PGM5: variants seen among roughly 807,000 people sequenced by gnomAD.
PGM5 encodes the protein phosphoglucomutase-like protein 5.
Under a neutral mutation model 59.2 loss-of-function variants are expected in PGM5, and 23 were observed. The ratio of observed to expected loss-of-function variants is 0.39; its 90% CI spans 0.28 to 0.55. PGM5 has a LOEUF of 0.55. PGM5 is among the 20% of genes least tolerant of loss of function. The pLI, the probability that PGM5 is intolerant of heterozygous loss-of-function variation, is 0.66. For synonymous variants in PGM5, 214 were observed against 286.0 expected (o/e 0.75, Z 2.54); for missense variants, 574 against 748.3 (o/e 0.77, Z 2.72).
At chr9:68,422,469 G>GT (rs1341575765) in intron 6 of PGM5, among the ~76,000 whole-genome samples, 3 of 149,468 alleles carry the variant, frequency 2.0e-5, no homozygotes, top group Admixed American at 1.3e-4. Flanking sequence ...TTTGTTTTTT[G>GT]TTTTTTTGAG....
At chr9:68,456,184 A>G (rs540194810) in intron 6 of PGM5, among the ~76,000 whole-genome samples, 95 of 152,294 alleles carry the variant, frequency 6.2e-4, no homozygotes, top group African/African-American at 2.2e-3. Flanking sequence ...ATTCTCAAAC[A>G]ACTCTGAGTG....
intron 1 of PGM5, among the ~76,000 whole-genome samples, chr9:68,377,367 C>A (rs1821947562): frequency 6.6e-6 from 1 of 152,102 alleles, no homozygotes; most frequent in Non-Finnish European, 1.5e-5. Context: ...GGCTCTCAAC[C>A]CCAGAGATTG....
At chr9:68,518,181 T>C (rs752155379) in intron 10 of PGM5, among the ~76,000 whole-genome samples, 3 of 152,232 alleles carry the variant, frequency 2.0e-5, no homozygotes, top group Admixed American at 6.5e-5. Flanking sequence ...ATCCCTGCTC[T>C]AGGGTGTAAA....
chr9:68,450,888 TGA>T (rs1823686765), intron 6 of PGM5, among the ~76,000 whole-genome samples: 1 of 152,232 alleles, frequency 6.6e-6, no homozygotes, highest in African/African-American at 2.4e-5. Context: ...GTGAGCTGAC[TGA>T]GAGAATTCTG....
chr9:68,425,191 G>A (rs1311123730), intron 6 of PGM5, among the ~76,000 whole-genome samples: 2 of 152,190 alleles, frequency 1.3e-5, no homozygotes, highest in African/African-American at 2.4e-5. Flanking sequence ...ACAAGCCAGA[G>A]TTATCAAAAG....
At chr9:68,447,003 C>A (rs922622191) in intron 6 of PGM5, among the ~76,000 whole-genome samples, 1 of 152,120 alleles carries the variant, frequency 6.6e-6, no homozygotes. Context: ...CCTGTCAGAA[C>A]TGTATACACT....
rs191278607 is a variant in PGM5, at chr9:68,377,453, A to C, written c.262-746A>C. Reference sequence around the variant, plus strand: ...TCGTAAGTGATTCTATTTTGTAGAAATATTGAGAACTACTAGATTGGATGA... The same window carrying C: ...TCGTAAGTGATTCTATTTTGTAGAACTATTGAGAACTACTAGATTGGATGA... On this transcript the variant is annotated intron_variant, in intron 1 of 10. Transcript: ENST00000396396. Among the ~76,000 whole-genome samples, 918 of 152,312 alleles carry C rather than the reference A, an allele frequency of 6.0e-3. 1 individual carries two copies. Among genetic ancestry groups the C allele is most frequent in the Middle Eastern group, 0.014 (4 of 294 alleles).
intron 1 of PGM5, among the ~76,000 whole-genome samples, chr9:68,366,959 TGTG>T (rs1184200640): frequency 6.6e-6 from 1 of 152,222 alleles, no homozygotes; most frequent in Non-Finnish European, 1.5e-5. Flanking sequence ...CGCCTGCTGA[TGTG>T]GTGATCACAG....
intron 2 of PGM5, among the ~76,000 whole-genome samples, chr9:68,382,403 A>C (rs1554678394): frequency 6.6e-6 from 1 of 151,854 alleles, no homozygotes; most frequent in Non-Finnish European, 1.5e-5. Context: ...AAACCATAAA[A>C]ATCCTAGAAG....
intron 6 of PGM5, among the ~76,000 whole-genome samples, chr9:68,415,013 G>T (rs1299442175): frequency 6.7e-6 from 1 of 148,556 alleles, no homozygotes; most frequent in African/African-American, 2.6e-5. Context: ...TAATGCTGCT[G>T]GAAGAGTAGC....
chr9:68,466,231 T>A (rs536365370), intron 7 of PGM5: 1 of 1,237,958 alleles, frequency 8.1e-7, no homozygotes, highest in African/African-American at 1.6e-5. Context: ...AATCTGCTGA[T>A]GAGCCTGTTG....
At chr9:68,528,520 A>T (rs265072) in intron 10 of PGM5, among the ~76,000 whole-genome samples, 10,771 of 152,268 alleles carry the variant, frequency 0.071, 605 homozygotes, top group East Asian at 0.28. Flanking sequence ...TACAGGCATG[A>T]GCCACCACGC....
intron 3 of PGM5, among the ~76,000 whole-genome samples, chr9:68,387,160 G>T (rs1486338761): frequency 6.6e-6 from 1 of 151,950 alleles, no homozygotes; most frequent in Non-Finnish European, 1.5e-5. Flanking sequence ...GTGGGAGCAG[G>T]AGTAACAGGG....
chr9:68,416,186 A>T (rs1334100553), intron 6 of PGM5, among the ~76,000 whole-genome samples: 1 of 152,266 alleles, frequency 6.6e-6, no homozygotes, highest in African/African-American at 2.4e-5. Context: ...TCCACAAAAA[A>T]AGATGAAATA....
chr9:68,387,688 T>C, intron 4 of PGM5, 100 bp downstream of exon 4: 3 of 1,137,918 alleles, frequency 2.6e-6, no homozygotes, highest in South Asian at 2.9e-5. Flanking sequence ...TTCATAGATA[T>C]TCACACAACA....
At chr9:68,374,890 G>T (rs1474261270) in intron 1 of PGM5, among the ~76,000 whole-genome samples, 2 of 152,196 alleles carry the variant, frequency 1.3e-5, no homozygotes, top group African/African-American at 4.8e-5. Context: ...ATGGTAATAT[G>T]TGTGAGCACA....
intron 7 of PGM5, among the ~76,000 whole-genome samples, chr9:68,474,591 G>A (rs1824074917): frequency 6.6e-6 from 1 of 151,314 alleles, no homozygotes; most frequent in South Asian, 2.1e-4. Context: ...CTTCTTTTTT[G>A]TACCAGTTTT....
chr9:68,390,269 G>T (rs1554679333), intron 4 of PGM5, among the ~76,000 whole-genome samples: 1 of 152,128 alleles, frequency 6.6e-6, no homozygotes, highest in African/African-American at 2.4e-5. Context: ...GCATTATCTG[G>T]CCTACAGGGA....
At chr9:68,524,801 A>T (rs1473810658) in intron 10 of PGM5, among the ~76,000 whole-genome samples, 2 of 152,196 alleles carry the variant, frequency 1.3e-5, no homozygotes, top group Non-Finnish European at 2.9e-5. Flanking sequence ...TTATATGCAG[A>T]ACTGTATGAT....
Sources: gnomAD v4.1 joint callset for allele counts (sites outside exome capture counted in the v4.1 genomes callset) on GRCh38, gnomAD v4.1.1 for gene constraint, MANE v1.5 for transcripts, NCBI Gene and HGNC (gene_info 2026-07-23, HGNC 2026-07-21) for gene names.